ROCK1: variants seen among roughly 807,000 people sequenced by gnomAD.
ROCK1 encodes rho-associated protein kinase 1.
ROCK1 carries 36 observed loss-of-function variants against 196.8 expected under a neutral mutation model. That is an observed-to-expected ratio of 0.18 (90% confidence interval 0.14 to 0.24). The LOEUF (loss-of-function observed/expected upper bound fraction) is 0.24, where lower values mean the gene tolerates loss of function less well. ROCK1 is among the 10% of genes least tolerant of loss of function. The probability of loss-of-function intolerance (pLI) is 1.00; values close to 1 mark genes in which losing one functional copy is unlikely to be tolerated. For synonymous variants in ROCK1, 443 were observed against 515.9 expected, an observed-to-expected ratio of 0.86 and a Z score of 1.91; for missense variants, 920 against 1,562.0, an observed-to-expected ratio of 0.59 and a Z score of 6.93.
intron 6 of ROCK1, among the ~76,000 whole-genome samples, chr18:21,043,819 C>G (rs1443124932): frequency 6.6e-6 from 1 of 151,794 alleles, no homozygotes. Flanking sequence ...AATTCCATTC[C>G]TAGTTACCAG....
chr18:21,048,221 G>A (rs749503976), intron 4 of ROCK1, among the ~76,000 whole-genome samples: 4 of 152,172 alleles, frequency 2.6e-5, no homozygotes, highest in African/African-American at 4.8e-5. Flanking sequence ...CAATCAAGAC[G>A]AGGACCTAAA....
At chr18:20,958,981 ATT>A (rs1467788611) in intron 29 of ROCK1, among the ~76,000 whole-genome samples, 3 of 85,104 alleles carry the variant, frequency 3.5e-5, no homozygotes, top group Admixed American at 2.0e-4. Context: ...TAATATATAT[ATT>A]TTATAAAAAA....
chr18:20,978,708 G>T (rs980135509), intron 22 of ROCK1, among the ~76,000 whole-genome samples: 1 of 152,098 alleles, frequency 6.6e-6, no homozygotes, highest in Non-Finnish European at 1.5e-5. Flanking sequence ...AACATCTACA[G>T]GACAAAAAAA....
intron 4 of ROCK1, among the ~76,000 whole-genome samples, chr18:21,045,914 T>C (rs867623603): frequency 0.011 from 1,479 of 133,702 alleles, 54 homozygotes; most frequent in African/African-American, 0.039. Flanking sequence ...TTTTTTTTTT[T>C]TTTTTTTTTT....
At chr18:21,008,724 G>A (rs2035789977) in intron 13 of ROCK1, among the ~76,000 whole-genome samples, 2 of 152,118 alleles carry the variant, frequency 1.3e-5, no homozygotes, top group South Asian at 2.1e-4. Flanking sequence ...AGCAGAAATT[G>A]GACATAAATC....
chr18:21,010,445 G>A (rs1273060239), intron 13 of ROCK1, among the ~76,000 whole-genome samples: 1 of 152,190 alleles, frequency 6.6e-6, no homozygotes, highest in African/African-American at 2.4e-5. Flanking sequence ...ACAGTTTTAT[G>A]AGACATAATT....
intron 9 of ROCK1, among the ~76,000 whole-genome samples, chr18:21,034,241 T>C (rs1023790250): frequency 5.9e-5 from 9 of 152,232 alleles, no homozygotes; most frequent in South Asian, 4.1e-4. Flanking sequence ...AATTTAAAGA[T>C]TCAATGCAAT....
intron 2 of ROCK1, among the ~76,000 whole-genome samples, chr18:21,055,859 G>C (rs1411569253): frequency 6.6e-6 from 1 of 152,090 alleles, no homozygotes; most frequent in African/African-American, 2.4e-5. Flanking sequence ...CTTCAGGTCG[G>C]CTCTTACCTT....
chr18:21,054,845 T>A (rs748748700), intron 2 of ROCK1, among the ~76,000 whole-genome samples: 6 of 152,124 alleles, frequency 3.9e-5, no homozygotes, highest in Non-Finnish European at 5.9e-5. Context: ...GACCTTGTCA[T>A]TACTCATAAT....
intron 6 of ROCK1, 86 bp from the exon 7 acceptor site, chr18:21,042,795 G>A: frequency 1.5e-6 from 2 of 1,297,426 alleles, no homozygotes; most frequent in South Asian, 1.5e-5. Flanking sequence ...TTACCTATGG[G>A]ACTCCAAATC....
intron 1 of ROCK1, among the ~76,000 whole-genome samples, chr18:21,071,858 C>T (rs867086990): frequency 6.6e-6 from 1 of 152,132 alleles, no homozygotes. Flanking sequence ...CCTCAGTTTT[C>T]TTTTTTGTAA....
At chr18:21,101,592 G>A (rs956063073) in intron 1 of ROCK1, among the ~76,000 whole-genome samples, 2 of 152,214 alleles carry the variant, frequency 1.3e-5, no homozygotes, top group Non-Finnish European at 2.9e-5. Flanking sequence ...GTCCTGTATA[G>A]TACCACTGAC....
intron 14 of ROCK1, 61 bp from the exon 15 acceptor site, chr18:21,006,851 T>C: frequency 8.4e-7 from 1 of 1,197,400 alleles, no homozygotes; most frequent in Non-Finnish European, 1.2e-6. Context: ...AACATATAAA[T>C]CCTTTTTTAA....
chr18:21,084,410 C>T (rs1460084959), intron 1 of ROCK1, among the ~76,000 whole-genome samples: 1 of 151,904 alleles, frequency 6.6e-6, no homozygotes, highest in Non-Finnish European at 1.5e-5. Context: ...GTAGGGCACT[C>T]CTAAAATTCA....
chr18:21,093,471 A>C (rs2036587689), intron 1 of ROCK1, among the ~76,000 whole-genome samples: 1 of 152,166 alleles, frequency 6.6e-6, no homozygotes, highest in Non-Finnish European at 1.5e-5. Flanking sequence ...TTGTTAATTC[A>C]ATTTTACAGA....
chr18:21,091,398 T>C (rs1379446933), intron 1 of ROCK1, among the ~76,000 whole-genome samples: 2 of 148,586 alleles, frequency 1.3e-5, no homozygotes, highest in African/African-American at 5.0e-5. Context: ...AGGTCAGGAG[T>C]TCAAGACCAG....
At chr18:20,971,932 A>T (rs1360790163) in intron 22 of ROCK1, among the ~76,000 whole-genome samples, 1 of 152,166 alleles carries the variant, frequency 6.6e-6, no homozygotes, top group Admixed American at 6.5e-5. Context: ...TAGGGGGAAG[A>T]GAACAACAGA....
intron 1 of ROCK1, among the ~76,000 whole-genome samples, chr18:21,075,871 T>A (rs2036425135): frequency 1.3e-5 from 2 of 150,668 alleles, no homozygotes; most frequent in Non-Finnish European, 1.5e-5. Flanking sequence ...GAGAATCGCT[T>A]GAACCCGGGA....
At chr18:20,990,980 A>C (rs1487770437) in intron 18 of ROCK1, among the ~76,000 whole-genome samples, 196 bp downstream of exon 18, 1 of 151,992 alleles carries the variant, frequency 6.6e-6, no homozygotes, top group Admixed American at 6.5e-5. Flanking sequence ...GGCTGGTCTC[A>C]AACTCCCGGC....
Sources: gnomAD v4.1 joint callset for allele counts (sites outside exome capture counted in the v4.1 genomes callset) on GRCh38, gnomAD v4.1.1 for gene constraint, MANE v1.5 for transcripts, NCBI Gene and HGNC (gene_info 2026-07-23, HGNC 2026-07-21) for gene names.